PPFIA4: variants seen among roughly 807,000 people sequenced by gnomAD.
PPFIA4 encodes the protein PPFI scaffold protein A4, also known as liprin-alpha-4.
In PPFIA4, 98 loss-of-function variants were observed where a neutral mutation model predicts 145.7. The observed-to-expected ratio is 0.67, with a 90% CI of 0.57 to 0.80. The LOEUF is 0.80. PPFIA4 is among the 30% of genes least tolerant of loss of function. The pLI is 0.00. For missense variants in PPFIA4, 1,457 were observed against 1,632.7 expected, an observed-to-expected ratio of 0.89 and a Z score of 1.85; for synonymous variants, 628 against 649.6, an observed-to-expected ratio of 0.97 and a Z score of 0.51.
chr1:203,074,928 A>G lies in PPFIA4; in HGVS notation c.3394-649A>G, dbSNP rs557547223. 1.8e-4 allele frequency among the ~76,000 whole-genome samples: 28 copies of G among 152,114 alleles called. No homozygotes were observed. In the South Asian group the frequency reaches 2.3e-3, roughly 12 times the overall value. Reference sequence around the variant, plus strand: ...ATCTGCTTGGTGGTCTGCCTGACCCATCCCTGTTACAGGGTGATCTCATCT... The same window carrying G: ...ATCTGCTTGGTGGTCTGCCTGACCCGTCCCTGTTACAGGGTGATCTCATCT... On this transcript the variant is annotated intron_variant, in intron 28 of 29. Transcript: ENST00000295706.
chr1:203,027,334 G>C (rs549452148), intron 1 of PPFIA4, among the ~76,000 whole-genome samples: 1 of 152,348 alleles, frequency 6.6e-6, no homozygotes, highest in Non-Finnish European at 1.5e-5. Context: ...TTCCAGCGCA[G>C]ATTTTGAGGT....
intron 18 of PPFIA4, 64 bp from the exon 19 acceptor site, chr1:203,056,720 C>T: frequency 7.1e-7 from 1 of 1,411,584 alleles, no homozygotes. Flanking sequence ...TAACTTCCAT[C>T]TTTCCTGCTG....
chr1:203,053,258 C>T (rs978986164), intron 14 of PPFIA4, among the ~76,000 whole-genome samples: 8 of 150,262 alleles, frequency 5.3e-5, no homozygotes, highest in Non-Finnish European at 8.9e-5. Context: ...GTCAGCCGGG[C>T]ACGGTGGCTC....
intron 13 of PPFIA4, among the ~76,000 whole-genome samples, chr1:203,050,369 C>G (rs897802154): frequency 1.3e-5 from 2 of 152,156 alleles, no homozygotes; most frequent in Non-Finnish European, 2.9e-5. Context: ...TTTTGTGGAG[C>G]GATGGGTATT....
At chr1:203,063,795 C>G in intron 24 of PPFIA4, 33 bp from the exon 25 acceptor site, 3 of 1,612,336 alleles carry the variant, frequency 1.9e-6, no homozygotes, top group Non-Finnish European at 2.5e-6. Context: ...ACCTTCCTCC[C>G]CCATAATAGC....
chr1:203,064,085 G>GA, intron 25 of PPFIA4, 82 bp downstream of exon 25: 1 of 1,460,376 alleles, frequency 6.8e-7, no homozygotes, highest in Non-Finnish European at 9.2e-7. Flanking sequence ...GAACAGAGGT[G>GA]CCTCCATCTC....
chr1:203,040,913 C>T (rs1325047090), intron 2 of PPFIA4, among the ~76,000 whole-genome samples: 1 of 152,218 alleles, frequency 6.6e-6, no homozygotes, highest in African/African-American at 2.4e-5. Flanking sequence ...GGGGTTGTGT[C>T]TTTCTTGTCA....
chr1:203,056,889 G>A lies in PPFIA4; in HGVS notation c.2346G>A (p.Leu782=). ...RKGIKSSIGR[L]FGKKEKGRLI... is the part of the protein sequence containing the mutation. ...GCATCAAGTCGTCCATTGGCCGCCT[G>A]TTTGGGAAGAAGGAGAAGGGCAGGC... is the stretch of plus-strand genomic sequence containing the variant. The change falls in exon 19 of 30, where the codon CTG becomes CTA. Residue 782 remains leucine, a synonymous_variant. Coordinates refer to ENST00000295706, the MANE Select transcript of PPFIA4 (RefSeq NM_001304331.2). 4.3e-6 allele frequency: 7 copies of A among 1,614,096 alleles called. No individual in the cohort carries two copies. The highest frequency in any genetic ancestry group is 5.9e-6 in the Non-Finnish European group (7 of 1,179,916).
Position 203,075,601 on chromosome 1 carries a change from G to T in PPFIA4, c.3418G>T (p.Ala1140Ser). ...DDGDDKVFRR[A>S]PSWRKRFRPR... ...GGGGGATGACAAGGTGTTTCGCCGC[G>T]CGCCCTCCTGGAGGAAGCGCTTCCG... is the stretch of plus-strand genomic sequence containing the variant. Residue 1140 changes from alanine to serine, a missense_variant, in exon 29 of 30, where the codon GCG (alanine) becomes TCG (serine). Around this residue, in one of 3 missense-constraint regions of PPFIA4, gnomAD observed 146 missense variants for 126.2 expected, o/e 1.16. Transcript: ENST00000295706. The surrounding 1 kb of genome is among the most constrained non-coding windows in gnomAD (Gnocchi z 4.1). The T allele has an allele frequency of 2.1e-6, 3 of 1,462,226 alleles. No homozygotes were observed. Among genetic ancestry groups the T allele is most frequent in the Non-Finnish European group, 2.7e-6 (3 of 1,103,904 alleles). The allele number at this position is 1,462,226 out of a possible 1,614,324, so 90.6% of individuals were successfully genotyped here. A position where few individuals can be genotyped will look rare whatever the true frequency, so the allele number is the denominator to read the frequency against.
At position 203,055,359 on chromosome 1, in the gene PPFIA4, G is replaced by T; in HGVS notation, c.1830-73G>T. 2 of 1,594,430 alleles carry T rather than the reference G, an allele frequency of 1.3e-6. No individual in the cohort carries two copies. The highest frequency in any genetic ancestry group is 1.7e-6 in the Non-Finnish European group (2 of 1,165,160). On this transcript the variant is annotated intron_variant, in intron 15 of 29. Transcript: ENST00000295706. This position sits in a 1 kb window ranked among gnomAD's most constrained non-coding sequence, Gnocchi z 4.8. ...ATGTGGTCCTTGGTGGCGAGTGCAGGCATCGACCCGCACTGCCTCCTGCTG... is the reference window on the plus strand; with the variant it reads ...ATGTGGTCCTTGGTGGCGAGTGCAGTCATCGACCCGCACTGCCTCCTGCTG...
At position 203,048,550 on chromosome 1, in the gene PPFIA4, G is replaced by A. The variant is rs779134630; in HGVS notation, c.1225-33G>A. On this transcript the variant is annotated intron_variant, in intron 10 of 29. Coordinates refer to ENST00000295706, the MANE Select transcript of PPFIA4 (RefSeq NM_001304331.2). The surrounding 1 kb of genome is among the most constrained non-coding windows in gnomAD (Gnocchi z 5.8). The stretch of plus-strand genomic sequence containing the variant: ...CAGGAGAGGGTGGTCCTCCCTGGGA[G>A]GGCGGCCTGGTGCGAGGCAGACGGC... The A allele has an allele frequency of 2.5e-5, 39 of 1,559,268 alleles. No individual in the cohort carries two copies. The highest frequency in any genetic ancestry group is 5.4e-5 in the African/African-American group (4 of 73,516).
At position 203,055,423 on chromosome 1, in the gene PPFIA4, CCCTT is replaced by C; in HGVS notation, c.1830-6_1830-3del. The stretch of plus-strand genomic sequence containing the variant: ...CTAGTGGTGAGGTCTGGTTTTGCCT[CCCTT>C]CCAGGATGATTCAGGAAGAGAAGGA... On this transcript the variant is annotated splice_polypyrimidine_tract_variant and splice_region_variant and intron_variant, in intron 15 of 29. Coordinates refer to ENST00000295706, the MANE Select transcript of PPFIA4 (RefSeq NM_001304331.2). This position sits in a 1 kb window ranked among gnomAD's most constrained non-coding sequence, Gnocchi z 4.8. 1 of 1,613,430 alleles carries C rather than the reference CCCTT, an allele frequency of 6.2e-7. No individual in the cohort carries two copies. Among genetic ancestry groups the C allele is most frequent in the Non-Finnish European group, 8.5e-7 (1 of 1,179,406 alleles).
At chr1:203,049,279 A>G (rs1032541570) in intron 12 of PPFIA4, among the ~76,000 whole-genome samples, 3 of 152,190 alleles carry the variant, frequency 2.0e-5, no homozygotes, top group African/African-American at 7.2e-5. Context: ...TGGTGCAGCC[A>G]GAGCCTGGTG....
At chr1:203,035,293 A>G (rs1281428848) in intron 1 of PPFIA4, 1 of 456,564 alleles carries the variant, frequency 2.2e-6, no homozygotes, top group Non-Finnish European at 4.4e-6. Context: ...GCCTTTGTCC[A>G]GCTCTCTCCG....
At chr1:203,069,020 C>T (rs570292399) in intron 27 of PPFIA4, among the ~76,000 whole-genome samples, 2 of 152,268 alleles carry the variant, frequency 1.3e-5, no homozygotes, top group African/African-American at 4.8e-5. Flanking sequence ...CCCCTAGGGA[C>T]CAGAGAGCCC....
rs1472909994 is a variant in PPFIA4 at position 203,076,403 on chromosome 1, G to A, written c.*13G>A. The A allele has an allele frequency of 6.2e-7, 1 of 1,607,544 alleles. No individual in the cohort carries two copies. Among genetic ancestry groups the A allele is most frequent in the Non-Finnish European group, 8.5e-7 (1 of 1,179,002 alleles). On this transcript the variant is annotated 3_prime_UTR_variant, in exon 30 of 30. Transcript: ENST00000295706. Reference sequence around the variant, plus strand: ...CTTCCGGGACTAGCCATGGCCCCCAGGGCTGGCTTCCTCCTTCTGGGTTTC... The same window carrying A: ...CTTCCGGGACTAGCCATGGCCCCCAAGGCTGGCTTCCTCCTTCTGGGTTTC...
At position 203,078,149 on chromosome 1, in the gene PPFIA4, C is replaced by A. The variant is rs1332505050; in HGVS notation, c.*1759C>A. The A allele has an allele frequency of 1.3e-5, 2 of 152,322 alleles. No homozygotes were observed. Among genetic ancestry groups the A allele is most frequent in the Non-Finnish European group, 2.9e-5 (2 of 68,106 alleles). The allele number at this position is 152,322 out of a possible 1,614,324, so 9.4% of individuals were successfully genotyped here. A position where few individuals can be genotyped will look rare whatever the true frequency, so the allele number is the denominator to read the frequency against. On this transcript the variant is annotated 3_prime_UTR_variant, in exon 30 of 30. Transcript: ENST00000295706. ...CAAGGCAGCCACCTGCCCTTGCTCT[C>A]CCTTAGTGTTCCCTGGCCTCCCTGC...
Position 203,055,333 on chromosome 1 carries a change from C to T in PPFIA4, c.1830-99C>T, listed in dbSNP as rs1660850018. On this transcript the variant is annotated intron_variant, in intron 15 of 29. Transcript: ENST00000295706. The surrounding 1 kb of genome is among the most constrained non-coding windows in gnomAD (Gnocchi z 4.8). The stretch of plus-strand genomic sequence containing the variant: ...GACAAAGCCTGGCGGGTGTACACCG[C>T]ATGTGGTCCTTGGTGGCGAGTGCAG... 1 of 1,499,062 alleles carries T rather than the reference C, an allele frequency of 6.7e-7. No individual in the cohort carries two copies. Among genetic ancestry groups the T allele is most frequent in the Admixed American group, 1.7e-5 (1 of 58,516 alleles). The allele number at this position is 1,499,062 out of a possible 1,614,324, so 92.9% of individuals were successfully genotyped here. A position where few individuals can be genotyped will look rare whatever the true frequency, so the allele number is the denominator to read the frequency against.
Position 203,044,447 on chromosome 1 carries a change from C to T in PPFIA4, c.570C>T (p.His190=). The T allele has an allele frequency of 6.4e-7, 1 of 1,550,988 alleles. No homozygotes were observed. Reference sequence around the variant, plus strand: ...TGGAGGAGCAGCTGGCAGGTGCCCACCAGCAGGTAATCTGCCTGCTCACCC... The same window carrying T: ...TGGAGGAGCAGCTGGCAGGTGCCCATCAGCAGGTAATCTGCCTGCTCACCC... ...TTLEEQLAGA[H]QQVSALQQGA... Residue 190 remains histidine (H), a synonymous_variant, in exon 5 of 30, where the codon CAC becomes CAT. Coordinates refer to ENST00000295706, the MANE Select transcript of PPFIA4 (RefSeq NM_001304331.2).
Sources: allele counts gnomAD v4.1 joint callset (sites outside exome capture counted in the v4.1 genomes callset), GRCh38; gene constraint gnomAD v4.1.1; regional missense constraint gnomAD v4.1.1; non-coding constraint Gnocchi (gnomAD v3.1); transcripts MANE v1.5; gene names NCBI Gene and HGNC (gene_info 2026-07-23, HGNC 2026-07-21).